The following KLHL32 variants were observed in gnomAD, a reference collection of about 807,000 sequenced individuals.
The protein encoded by KLHL32 is kelch like family member 32.
In KLHL32, 35 loss-of-function variants were observed where a neutral mutation model predicts 64.8. The observed-to-expected ratio is 0.54, with a 90% confidence interval of 0.41 to 0.72. The LOEUF (loss-of-function observed/expected upper bound fraction) is 0.72, where lower values mean the gene tolerates loss of function less well. Ranked by LOEUF, KLHL32 falls within the 30% of genes least tolerant of loss-of-function variation. The pLI, the probability that KLHL32 is intolerant of heterozygous loss-of-function variation, is 0.00. For missense variants in KLHL32, 589 were observed against 768.5 expected (o/e 0.77, Z 2.76); for synonymous variants, 259 against 281.0 (o/e 0.92, Z 0.78).
intron 5 of KLHL32, among the ~76,000 whole-genome samples, chr6:97,077,968 C>CT (rs1350255847): frequency 3.9e-5 from 6 of 152,110 alleles, no homozygotes; most frequent in Admixed American, 3.9e-4. Flanking sequence ...TAGTGACAAG[C>CT]TTATGTGTAT....
In KLHL32 at chr6:97,103,273, G is replaced by A. The variant is rs960286185; in HGVS notation, c.628-10510G>A. 6.0e-5 allele frequency among the ~76,000 whole-genome samples: 9 copies of A among 149,320 alleles called. No homozygotes were observed. In the South Asian group the frequency reaches 1.5e-3, roughly 24 times the overall value. ...CTGTCACCCAGGCTGGAGTGCAGTG[G>A]TGCGATCTCAGCTCACTGCAAGCTC... is the stretch of plus-strand genomic sequence containing the variant. On this transcript the variant is annotated intron_variant, in intron 6 of 10. Coordinates refer to ENST00000369261, the MANE Select transcript of KLHL32 (RefSeq NM_052904.4).
rs944635176 is a variant in KLHL32, at chr6:97,120,557, G to T, written c.1354+6048G>T. On this transcript the variant is annotated intron_variant, in intron 7 of 10. Coordinates refer to ENST00000369261, the MANE Select transcript of KLHL32 (RefSeq NM_052904.4). The stretch of plus-strand genomic sequence containing the variant: ...TCTGTGGATTCACTCATGATGAAAG[G>T]TTATGAGACTGGAATAGTCCAGAGA... Among the ~76,000 whole-genome samples, 7 of 152,338 alleles carry T rather than the reference G, an allele frequency of 4.6e-5. No individual in the cohort carries two copies. The East Asian group carries it at 9.6e-4, about 21-fold the overall frequency.
chr6:96,950,604 T>G (rs1022419085), intron 1 of KLHL32, among the ~76,000 whole-genome samples: 3 of 150,228 alleles, frequency 2.0e-5, no homozygotes, highest in Admixed American at 6.6e-5. Flanking sequence ...ATTGAATGAG[T>G]TGAGTGAGTG....
chr6:96,966,925 A>T, intron 1 of KLHL32, 71 bp from the exon 2 acceptor site: 1 of 695,986 alleles, frequency 1.4e-6, no homozygotes, highest in Non-Finnish European at 2.5e-6. Flanking sequence ...AAACTTTAGC[A>T]TCAGGAAGAC....
At chr6:97,020,062 C>A (rs944649661) in intron 3 of KLHL32, among the ~76,000 whole-genome samples, 2 of 151,938 alleles carry the variant, frequency 1.3e-5, no homozygotes, top group African/African-American at 4.8e-5. Flanking sequence ...CCTGCCTCAG[C>A]CTGCCAAGTA....
chr6:96,932,791 G>A (rs892125982), intron 1 of KLHL32, among the ~76,000 whole-genome samples: 1 of 151,780 alleles, frequency 6.6e-6, no homozygotes, highest in African/African-American at 2.4e-5. Flanking sequence ...GGCTGGTCTC[G>A]AGCTCCTGGG....
the KLHL32 span, among the ~76,000 whole-genome samples, chr6:96,904,561 G>A: frequency 6.6e-6 from 1 of 152,032 alleles, no homozygotes; most frequent in Non-Finnish European, 1.5e-5. Flanking sequence ...GTGTAAAAAT[G>A]TCAATTATTC....
At chr6:97,095,910 C>T (rs1794921021) in intron 6 of KLHL32, among the ~76,000 whole-genome samples, 1 of 152,042 alleles carries the variant, frequency 6.6e-6, no homozygotes, top group Non-Finnish European at 1.5e-5. Context: ...AAGTCATATG[C>T]AAGATTTGGC....
chr6:97,047,012 T>C (rs913447835), intron 4 of KLHL32, among the ~76,000 whole-genome samples: 1 of 152,196 alleles, frequency 6.6e-6, no homozygotes, highest in Non-Finnish European at 1.5e-5. Context: ...ATTGTTGCTG[T>C]CTTGGAGAGA....
intron 10 of KLHL32, among the ~76,000 whole-genome samples, chr6:97,136,234 C>G (rs1335723814): frequency 6.6e-6 from 1 of 152,160 alleles, no homozygotes; most frequent in Non-Finnish European, 1.5e-5. Flanking sequence ...TAACTTCTCA[C>G]TTAACTGTCC....
chr6:97,111,836 G>A (rs1797186026), intron 6 of KLHL32, among the ~76,000 whole-genome samples: 1 of 152,130 alleles, frequency 6.6e-6, no homozygotes, highest in Non-Finnish European at 1.5e-5. Flanking sequence ...GATGGGGTGG[G>A]AAGGTAATCT....
chr6:97,003,046 G>A (rs981814101), intron 3 of KLHL32, among the ~76,000 whole-genome samples: 1 of 152,118 alleles, frequency 6.6e-6, no homozygotes, highest in African/African-American at 2.4e-5. Flanking sequence ...TCAAATGGTA[G>A]TTCTAAGTTC....
the KLHL32 span, among the ~76,000 whole-genome samples, chr6:96,908,080 G>C: frequency 6.6e-6 from 1 of 152,216 alleles, no homozygotes; most frequent in Non-Finnish European, 1.5e-5. Context: ...GTGTACTGGT[G>C]TTGTGCCTTC....
chr6:96,980,529 T>C (rs540271303), intron 3 of KLHL32, among the ~76,000 whole-genome samples: 5 of 152,210 alleles, frequency 3.3e-5, no homozygotes, highest in Non-Finnish European at 7.3e-5. Context: ...TTGTGGTGGA[T>C]TAGCTTTTTG....
intron 10 of KLHL32, among the ~76,000 whole-genome samples, chr6:97,137,481 G>A (rs374329280): frequency 6.6e-6 from 1 of 152,046 alleles, no homozygotes; most frequent in African/African-American, 2.4e-5. Context: ...GTGAAACATG[G>A]ATCCCCAAAT....
intron 1 of KLHL32, 113 bp from the exon 2 acceptor site, chr6:96,966,877 GACAGTA>G: frequency 3.7e-6 from 2 of 542,942 alleles, no homozygotes; most frequent in South Asian, 5.3e-5. Flanking sequence ...GTTTTATGTG[GACAGTA>G]AAGCTCTCCA....
chr6:96,920,216 T>G (rs1466997154), upstream of KLHL32, among the ~76,000 whole-genome samples: 2 of 152,008 alleles, frequency 1.3e-5, no homozygotes, highest in African/African-American at 2.4e-5. Flanking sequence ...GAGAGCAGAG[T>G]TGGCATCACA....
In KLHL32 at chr6:96,986,069, T is replaced by C. The variant is rs111621181; in HGVS notation, c.204+9892T>C. Among the ~76,000 whole-genome samples the C allele has an allele frequency of 2.0e-3, 300 of 152,304 alleles. 2 individuals are homozygous for C. The highest frequency in any genetic ancestry group is 7.1e-3 in the African/African-American group (293 of 41,558). On this transcript the variant is annotated intron_variant, in intron 3 of 10. Transcript: ENST00000369261. Reference sequence around the variant, plus strand: ...GGTTTTGGTGTGGATGTCTTTTCTGTTTGTTAGTTTTCCTTCTAACAGTCA... The same window carrying C: ...GGTTTTGGTGTGGATGTCTTTTCTGCTTGTTAGTTTTCCTTCTAACAGTCA...
At chr6:97,104,674 G>A (rs1289116633) in intron 6 of KLHL32, among the ~76,000 whole-genome samples, 4 of 152,152 alleles carry the variant, frequency 2.6e-5, no homozygotes, top group African/African-American at 4.8e-5. Context: ...AATGGTTAAT[G>A]TGCAATCTCC....
Sources: gnomAD v4.1 joint callset for allele counts (sites outside exome capture counted in the v4.1 genomes callset) on GRCh38, gnomAD v4.1.1 for gene constraint, MANE v1.5 for transcripts, NCBI Gene and HGNC (gene_info 2026-07-23, HGNC 2026-07-21) for gene names.